Variants in PCDH15 observed in about 807,000 individuals in gnomAD.
PCDH15 encodes protocadherin-15.
A neutral mutation model predicts 178.5 loss-of-function variants in PCDH15; 129 were observed. That is an observed-to-expected ratio of 0.72 (90% confidence interval 0.63 to 0.84). The LOEUF (loss-of-function observed/expected upper bound fraction) is 0.84. Among genes scored for constraint, PCDH15 ranks in the 40% least tolerant of loss-of-function variants. The probability of loss-of-function intolerance (pLI) is 0.00; values close to 1 mark genes in which losing one functional copy is unlikely to be tolerated. For missense variants in PCDH15, 2,230 were observed against 2,099.9 expected (o/e 1.06, Z -1.21); for synonymous variants, 800 against 732.0 (o/e 1.09, Z -1.50).
At position 53,811,531 on chromosome 10, in the gene PCDH15, A is replaced by T; in HGVS notation, c.4562+18T>A. 1 of 1,420,558 alleles carries T rather than the reference A, an allele frequency of 7.0e-7. No homozygotes were observed. Among genetic ancestry groups the T allele is most frequent in the Non-Finnish European group, 9.4e-7 (1 of 1,058,760 alleles). 88.0% of individuals were successfully genotyped at this position (1,420,558 alleles called of 1,614,324 possible). On this transcript the variant is annotated intron_variant, in intron 36 of 37. Coordinates refer to ENST00000644397, the MANE Select transcript of PCDH15 (RefSeq NM_001384140.1). ...ATATTAAAATAAGAATCTGAATTTTAAAAATCTGAAGATGTACCCATGCTC... is the reference window on the plus strand; with the variant it reads ...ATATTAAAATAAGAATCTGAATTTTTAAAATCTGAAGATGTACCCATGCTC...
At chr10:54,156,371 C>G (rs1344301562) in intron 13 of PCDH15, among the ~76,000 whole-genome samples, 1 of 152,022 alleles carries the variant, frequency 6.6e-6, no homozygotes, top group Non-Finnish European at 1.5e-5. Context: ...ACGTGGAATT[C>G]CACGTGGGTA....
At chr10:55,387,864 GCTTT>G (rs1428472760) in intron 2 of PCDH15, among the ~76,000 whole-genome samples, 1 of 151,832 alleles carries the variant, frequency 6.6e-6, no homozygotes, top group Non-Finnish European at 1.5e-5. Flanking sequence ...AATACGGAGA[GCTTT>G]CTATTTTCAA....
At chr10:55,293,039 C>A (rs1843047290) in intron 1 of PCDH15, among the ~76,000 whole-genome samples, 2 of 152,188 alleles carry the variant, frequency 1.3e-5, no homozygotes. Flanking sequence ...CGGGCCCCTG[C>A]AGCAAACTTC....
Position 54,247,767 on chromosome 10 carries a change from C to T in PCDH15, c.877-10836G>A, listed in dbSNP as rs570191719. On this transcript the variant is annotated intron_variant, in intron 8 of 37. Transcript: ENST00000644397. ...CAATAAAGCTTTTCGATAAACTAGT[C>T]TCTTAGAGCTTGAATTATGATTTTC... Among the ~76,000 whole-genome samples, 7 of 151,424 alleles carry T rather than the reference C, an allele frequency of 4.6e-5. No individual in the cohort carries two copies. The South Asian group carries it at 1.2e-3, about 27-fold the overall frequency.
At chr10:53,852,702 AT>A (rs1051830603) in intron 28 of PCDH15, among the ~76,000 whole-genome samples, 1 of 152,022 alleles carries the variant, frequency 6.6e-6, no homozygotes, top group Non-Finnish European at 1.5e-5. Flanking sequence ...ATTTGTACTG[AT>A]TACATACTTA....
chr10:55,194,184 CTG>C (rs776622575), intron 1 of PCDH15, among the ~76,000 whole-genome samples: 21 of 152,062 alleles, frequency 1.4e-4, no homozygotes, highest in Non-Finnish European at 3.1e-4. Flanking sequence ...TTGATCTTAA[CTG>C]TGATGTTATA....
intron 5 of PCDH15, among the ~76,000 whole-genome samples, chr10:54,355,715 C>T (rs983809594): frequency 2.6e-5 from 4 of 152,014 alleles, no homozygotes; most frequent in African/African-American, 9.7e-5. Context: ...CCAGTACCTG[C>T]ATTTTAGGAA....
At chr10:54,090,687 G>A (rs77398504) in intron 15 of PCDH15, among the ~76,000 whole-genome samples, 2,732 of 149,196 alleles carry the variant, frequency 0.018, 74 homozygotes, top group African/African-American at 0.055. Flanking sequence ...TTACAGTGTC[G>A]ATAAAGTGTT....
At chr10:55,104,198 T>A (rs1029069886) in intron 2 of PCDH15, among the ~76,000 whole-genome samples, 2 of 128,348 alleles carry the variant, frequency 1.6e-5, no homozygotes, top group African/African-American at 9.8e-5. Flanking sequence ...TTTGTAGCAT[T>A]TTTTTTTTCA....
intron 3 of PCDH15, among the ~76,000 whole-genome samples, chr10:54,882,196 C>T (rs565215517): frequency 6.6e-6 from 1 of 152,112 alleles, no homozygotes; most frequent in East Asian, 1.9e-4. Context: ...AAGAAATGGA[C>T]TTTTAAGAAT....
intron 14 of PCDH15, among the ~76,000 whole-genome samples, chr10:54,144,051 T>C (rs1423160690): frequency 6.8e-6 from 1 of 148,044 alleles, no homozygotes; most frequent in Non-Finnish European, 1.5e-5. Flanking sequence ...TGCAAGTAGA[T>C]TTGTCCTGCT....
chr10:54,024,304 T>C (rs1423594236), intron 18 of PCDH15, among the ~76,000 whole-genome samples: 1 of 152,102 alleles, frequency 6.6e-6, no homozygotes, highest in African/African-American at 2.4e-5. Context: ...TAAAATATTA[T>C]ATAATTATGC....
rs184636321 is a variant in PCDH15, at chr10:54,426,542, G to A, written c.158-47600C>T. Among the ~76,000 whole-genome samples, 27 of 152,312 alleles carry A rather than the reference G, an allele frequency of 1.8e-4. No homozygotes were observed. The East Asian group carries it at 4.6e-3, about 26-fold the overall frequency. ...CCTAACAGGCCACGGAACGGTACCAGTTTGTGGCCTGGGGGTTGGGACCCC... is the reference window on the plus strand; with the variant it reads ...CCTAACAGGCCACGGAACGGTACCAATTTGTGGCCTGGGGGTTGGGACCCC... On this transcript the variant is annotated intron_variant, in intron 3 of 37. Transcript: ENST00000644397.
intron 13 of PCDH15, among the ~76,000 whole-genome samples, chr10:54,168,254 G>T (rs2046473463): frequency 6.6e-6 from 1 of 152,102 alleles, no homozygotes; most frequent in South Asian, 2.1e-4. Flanking sequence ...TGAGGTGCCT[G>T]ACGTCCAGGC....
rs115221461 is a variant in PCDH15 at position 55,317,168 on chromosome 10, T to C, written c.-156+2431A>G. 5.2e-3 allele frequency among the ~76,000 whole-genome samples: 785 copies of C among 152,246 alleles called. 11 individuals carry two copies. Among genetic ancestry groups the C allele is most frequent in the African/African-American group, 0.018 (739 of 41,540 alleles). On this transcript the variant is annotated intron_variant, in intron 1 of 5. Transcript: ENST00000458638. ...AAACTGAGCCTTAATTTCAACATCTTTAAAGTAGAAACATTTTTAAGATTG... is the reference window on the plus strand; with the variant it reads ...AAACTGAGCCTTAATTTCAACATCTCTAAAGTAGAAACATTTTTAAGATTG...
At chr10:53,821,556 G>C in intron 32 of PCDH15, 1 of 1,101,494 alleles carries the variant, frequency 9.1e-7, no homozygotes, top group Non-Finnish European at 1.1e-6. Flanking sequence ...GTTTAAGTTG[G>C]GTATCTAATT....
chr10:54,804,330 C>T (rs762197805), upstream of PCDH15, among the ~76,000 whole-genome samples: 66 of 152,156 alleles, frequency 4.3e-4, no homozygotes, highest in Non-Finnish European at 7.3e-4. Context: ...TGAGCCACCG[C>T]GCCTGCCAGC....
chr10:55,161,792 G>A (rs143219392), intron 2 of PCDH15, among the ~76,000 whole-genome samples: 4 of 152,072 alleles, frequency 2.6e-5, no homozygotes, highest in Non-Finnish European at 5.9e-5. Context: ...GATCGCATTT[G>A]GCAAATGCTG....
At chr10:54,067,262 G>C (rs1043075713) in intron 17 of PCDH15, among the ~76,000 whole-genome samples, 1 of 152,088 alleles carries the variant, frequency 6.6e-6, no homozygotes, top group African/African-American at 2.4e-5. Flanking sequence ...AGTTTTTGCT[G>C]CTTGTATGTT....
Sources: allele counts gnomAD v4.1 joint callset (sites outside exome capture counted in the v4.1 genomes callset), GRCh38; gene constraint gnomAD v4.1.1; transcripts MANE v1.5; gene names NCBI Gene and HGNC (gene_info 2026-07-23, HGNC 2026-07-21).